Variants in GRM8 observed in about 807,000 individuals in gnomAD.
The protein encoded by GRM8 is metabotropic glutamate receptor 8.
A neutral mutation model predicts 87.2 loss-of-function variants in GRM8; 47 were observed. That is an observed-to-expected ratio of 0.54 (90% CI 0.43 to 0.69). GRM8 has a LOEUF of 0.69. Among genes scored for constraint, GRM8 ranks in the 30% least tolerant of loss-of-function variants. GRM8 has a pLI of 0.00. For missense variants in GRM8, 1,019 were observed against 1,139.2 expected, an observed-to-expected ratio of 0.89 and a Z score of 1.52; for synonymous variants, 396 against 404.5, an observed-to-expected ratio of 0.98 and a Z score of 0.25.
rs558811931 is a variant in GRM8 at position 126,758,697 on chromosome 7, A to T, written c.1357+11168T>A. 3.3e-5 allele frequency among the ~76,000 whole-genome samples: 5 copies of T among 152,310 alleles called. No individual in the cohort carries two copies. The South Asian group carries it at 1.0e-3, about 32-fold the overall frequency. ...TTAAATACCATAAATACATACTTACAGATTTTTTAAATTAAAATTGAGTAA... is the reference window on the plus strand; with the variant it reads ...TTAAATACCATAAATACATACTTACTGATTTTTTAAATTAAAATTGAGTAA... On this transcript the variant is annotated intron_variant, in intron 7 of 10. Transcript: ENST00000339582.
At chr7:126,548,758 A>G (rs1328208902) in intron 8 of GRM8, among the ~76,000 whole-genome samples, 1 of 152,180 alleles carries the variant, frequency 6.6e-6, no homozygotes, top group African/African-American at 2.4e-5. Flanking sequence ...GAAGAGTAAA[A>G]CACATCAAGG....
chr7:126,696,581 C>T (rs905084211), intron 7 of GRM8, among the ~76,000 whole-genome samples: 2 of 151,916 alleles, frequency 1.3e-5, no homozygotes, highest in African/African-American at 4.8e-5. Flanking sequence ...GAGAGAGAGG[C>T]AGAAGGTTTA....
At chr7:126,673,449 A>G (rs968251515) in intron 7 of GRM8, among the ~76,000 whole-genome samples, 2 of 152,190 alleles carry the variant, frequency 1.3e-5, no homozygotes, top group African/African-American at 4.8e-5. Context: ...GTAATGCACA[A>G]TGGTTTGAGA....
chr7:127,113,791 ATTAACT>A (rs1404165414), intron 2 of GRM8, among the ~76,000 whole-genome samples: 3 of 152,206 alleles, frequency 2.0e-5, no homozygotes, highest in African/African-American at 7.2e-5. Flanking sequence ...TATTATAGCC[ATTAACT>A]TTGTCTTTTT....
chr7:126,895,025 C>A (rs1244419284), intron 6 of GRM8, among the ~76,000 whole-genome samples: 1 of 152,038 alleles, frequency 6.6e-6, no homozygotes, highest in Non-Finnish European at 1.5e-5. Flanking sequence ...GCTTTGCAGA[C>A]TTTGAAGATA....
chr7:126,657,973 C>T (rs557733019), intron 7 of GRM8, among the ~76,000 whole-genome samples: 7 of 152,256 alleles, frequency 4.6e-5, no homozygotes, highest in East Asian at 3.9e-4. Flanking sequence ...GAGATGCTAA[C>T]GGTTATATTA....
chr7:126,944,504 G>C (rs1807318091), intron 3 of GRM8, among the ~76,000 whole-genome samples: 1 of 152,168 alleles, frequency 6.6e-6, no homozygotes, highest in Non-Finnish European at 1.5e-5. Flanking sequence ...CTGAAGCAAA[G>C]CTTAGTTTCT....
At chr7:127,162,827 C>T (rs538166138) in intron 2 of GRM8, among the ~76,000 whole-genome samples, 1 of 152,298 alleles carries the variant, frequency 6.6e-6, no homozygotes, top group Admixed American at 6.5e-5. Flanking sequence ...ATGTCTGAGG[C>T]TAGCATATTA....
At chr7:126,954,745 A>G (rs1049505850) in intron 3 of GRM8, among the ~76,000 whole-genome samples, 10 of 152,190 alleles carry the variant, frequency 6.6e-5, no homozygotes, top group Admixed American at 5.9e-4. Context: ...CAAATAATCT[A>G]TACAGTACCT....
chr7:127,131,110 G>A (rs1325671022), intron 2 of GRM8, among the ~76,000 whole-genome samples: 1 of 152,206 alleles, frequency 6.6e-6, no homozygotes, highest in Non-Finnish European at 1.5e-5. Context: ...GAAGCAAGTT[G>A]TCATAAATGA....
At chr7:127,034,985 T>C (rs960991036) in intron 3 of GRM8, among the ~76,000 whole-genome samples, 5 of 152,094 alleles carry the variant, frequency 3.3e-5, no homozygotes, top group Non-Finnish European at 5.9e-5. Flanking sequence ...AAAGTGAGCA[T>C]GGTCATAAAC....
intron 2 of GRM8, among the ~76,000 whole-genome samples, chr7:127,174,071 A>C (rs1208677624): frequency 1.3e-5 from 2 of 152,168 alleles, no homozygotes; most frequent in Non-Finnish European, 2.9e-5. Context: ...AGCAACACAC[A>C]CACGCACCCC....
chr7:126,645,827 C>T (rs2237760), intron 7 of GRM8, among the ~76,000 whole-genome samples: 3 of 152,102 alleles, frequency 2.0e-5, no homozygotes, highest in East Asian at 1.9e-4. Flanking sequence ...CTCTCTCACT[C>T]GGCTCAACAA....
intron 7 of GRM8, 34 bp downstream of exon 7, chr7:126,769,831 T>G: frequency 2.9e-6 from 4 of 1,398,808 alleles, no homozygotes; most frequent in Non-Finnish European, 4.1e-6. Flanking sequence ...CTGTCGCTTT[T>G]AATGTATTTA....
At chr7:126,809,863 G>A (rs6965226) in intron 6 of GRM8, among the ~76,000 whole-genome samples, 2,898 of 152,134 alleles carry the variant, frequency 0.019, 96 homozygotes, top group African/African-American at 0.066. Flanking sequence ...TCTCAAATAA[G>A]ACTTAAAAGA....
At chr7:126,642,092 A>T (rs750888593) in intron 7 of GRM8, among the ~76,000 whole-genome samples, 1 of 152,204 alleles carries the variant, frequency 6.6e-6, no homozygotes, top group Non-Finnish European at 1.5e-5. Flanking sequence ...TCAGCCACAT[A>T]GGAAGCACTG....
At chr7:126,831,285 G>A (rs1795341945) in intron 6 of GRM8, among the ~76,000 whole-genome samples, 1 of 152,230 alleles carries the variant, frequency 6.6e-6, no homozygotes, top group South Asian at 2.1e-4. Context: ...CTTTTTGTTT[G>A]TCTGTGCCCT....
intron 6 of GRM8, among the ~76,000 whole-genome samples, chr7:126,852,265 C>A (rs1360248335): frequency 1.3e-5 from 2 of 152,154 alleles, no homozygotes; most frequent in Non-Finnish European, 2.9e-5. Context: ...CCAGGCCCAG[C>A]ATGAGCCATA....
intron 6 of GRM8, among the ~76,000 whole-genome samples, chr7:126,879,480 T>C (rs1431733390): frequency 1.3e-5 from 2 of 152,178 alleles, no homozygotes; most frequent in Non-Finnish European, 2.9e-5. Context: ...TCTCTCCCTC[T>C]CTCTTTCTCC....
Sources: gnomAD v4.1 joint callset for allele counts (sites outside exome capture counted in the v4.1 genomes callset) on GRCh38, gnomAD v4.1.1 for gene constraint, MANE v1.5 for transcripts, NCBI Gene and HGNC (gene_info 2026-07-23, HGNC 2026-07-21) for gene names.